CDH12: variants seen among roughly 807,000 people sequenced by gnomAD.
CDH12 encodes cadherin 12.
CDH12 carries 41 observed loss-of-function variants against 74.1 expected under a neutral mutation model. The observed-to-expected ratio is 0.55, with a 90% CI of 0.43 to 0.72. The LOEUF (loss-of-function observed/expected upper bound fraction) is 0.72. Among genes scored for constraint, CDH12 ranks in the 30% least tolerant of loss-of-function variants. The pLI, the probability that CDH12 is intolerant of heterozygous loss-of-function variation, is 0.00. For synonymous variants in CDH12, 399 were observed against 355.0 expected (o/e 1.12, Z -1.39); for missense variants, 945 against 977.2 (o/e 0.97, Z 0.44).
At chr5:21,777,708 C>T (rs188700375) in intron 11 of CDH12, among the ~76,000 whole-genome samples, 1 of 152,210 alleles carries the variant, frequency 6.6e-6, no homozygotes, top group Admixed American at 6.5e-5. Context: ...CCAGGCTGGT[C>T]TTGACCTCCT....
intron 8 of CDH12, among the ~76,000 whole-genome samples, chr5:21,830,907 C>T (rs186725792): frequency 5.9e-5 from 9 of 151,860 alleles, no homozygotes; most frequent in East Asian, 3.9e-4. Context: ...GGCATGATGG[C>T]GGGTGCCTGT....
chr5:22,527,137 A>G (rs1279689201), intron 1 of CDH12, among the ~76,000 whole-genome samples: 5 of 152,122 alleles, frequency 3.3e-5, no homozygotes, highest in African/African-American at 9.7e-5. Flanking sequence ...TGTACCAAGC[A>G]CAGTTCAACT....
chr5:21,782,461 C>T (rs1226571896), intron 11 of CDH12, among the ~76,000 whole-genome samples: 3 of 152,160 alleles, frequency 2.0e-5, no homozygotes, highest in African/African-American at 7.2e-5. Context: ...TTGGACTGAT[C>T]AAAACCCTTC....
intron 2 of CDH12, among the ~76,000 whole-genome samples, chr5:22,496,781 T>A (rs1747119046): frequency 6.6e-6 from 1 of 152,182 alleles, no homozygotes; most frequent in Admixed American, 6.5e-5. Flanking sequence ...AACACCACAC[T>A]TCTTGTCTTC....
intron 5 of CDH12, among the ~76,000 whole-genome samples, chr5:22,057,999 T>TTCTG (rs377362967): frequency 6.7e-6 from 1 of 149,256 alleles, no homozygotes; most frequent in Non-Finnish European, 1.5e-5. Context: ...TTTCCTTGTA[T>TTCTG]TCTATCTATC....
In CDH12 at chr5:22,055,337, A is replaced by G. The variant is rs1010229983; in HGVS notation, c.231+23109T>C. Among the ~76,000 whole-genome samples, 3 of 152,160 alleles carry G rather than the reference A, an allele frequency of 2.0e-5. No homozygotes were observed. In the East Asian group the frequency reaches 5.8e-4, roughly 29 times the overall value. On this transcript the variant is annotated intron_variant, in intron 5 of 14. Transcript: ENST00000382254. ...TGTTTCCTAATGATTTCAAAATAGC[A>G]AGTAAGAGTGACCTGATTTTGTAAA...
At chr5:21,831,729 G>C (rs748313404) in intron 8 of CDH12, among the ~76,000 whole-genome samples, 5 of 151,196 alleles carry the variant, frequency 3.3e-5, no homozygotes, top group Admixed American at 6.6e-5. Flanking sequence ...TGTCAAAAGA[G>C]ACAATTTTCT....
At chr5:22,720,860 C>A (rs140554698) in intron 1 of CDH12, among the ~76,000 whole-genome samples, 1 of 152,018 alleles carries the variant, frequency 6.6e-6, no homozygotes, top group Non-Finnish European at 1.5e-5. Flanking sequence ...TAGACATCTG[C>A]GGAACTTTGA....
intron 6 of CDH12, among the ~76,000 whole-genome samples, chr5:21,961,785 C>T (rs1212484397): frequency 6.6e-6 from 1 of 152,124 alleles, no homozygotes; most frequent in African/African-American, 2.4e-5. Context: ...GACTTCTAGC[C>T]TTCAGGACTT....
chr5:22,381,051 T>C (rs904351361), intron 3 of CDH12, among the ~76,000 whole-genome samples: 2 of 152,026 alleles, frequency 1.3e-5, no homozygotes, highest in Admixed American at 6.6e-5. Context: ...AGAAAACAAA[T>C]TACGACAATG....
Position 22,276,444 on chromosome 5 carries a change from G to A in CDH12, c.-332-63801C>T, listed in dbSNP as rs116371985. Among the ~76,000 whole-genome samples the A allele has an allele frequency of 2.0e-3, 297 of 152,214 alleles. 2 individuals are homozygous for A. Among genetic ancestry groups the A allele is most frequent in the African/African-American group, 6.4e-3 (265 of 41,534 alleles). On this transcript the variant is annotated intron_variant, in intron 3 of 14. Coordinates refer to ENST00000382254, the MANE Select transcript of CDH12 (RefSeq NM_004061.5). Reference sequence around the variant, plus strand: ...TATGTTATGTAATACATGAGTTGCCGTAAATGAATACTGATGTCAAAATCA... The same window carrying A: ...TATGTTATGTAATACATGAGTTGCCATAAATGAATACTGATGTCAAAATCA...
intron 6 of CDH12, among the ~76,000 whole-genome samples, chr5:21,868,402 G>C (rs919110301): frequency 6.6e-6 from 1 of 152,106 alleles, no homozygotes; most frequent in Non-Finnish European, 1.5e-5. Context: ...AAACTGTAGG[G>C]CCATCAGCAT....
At chr5:22,006,256 C>T (rs1039331843) in intron 5 of CDH12, among the ~76,000 whole-genome samples, 4 of 152,032 alleles carry the variant, frequency 2.6e-5, no homozygotes, top group African/African-American at 9.7e-5. Context: ...TGGCCTCAAG[C>T]AGTTCTCCCA....
intron 2 of CDH12, among the ~76,000 whole-genome samples, chr5:22,459,999 C>G (rs1403305028): frequency 6.6e-6 from 1 of 151,902 alleles, no homozygotes; most frequent in Non-Finnish European, 1.5e-5. Context: ...TAAGAAATCA[C>G]TATCTAATTC....
intron 2 of CDH12, among the ~76,000 whole-genome samples, chr5:22,435,281 C>A (rs911239480): frequency 9.9e-5 from 15 of 152,180 alleles, no homozygotes; most frequent in East Asian, 3.9e-4. Flanking sequence ...GAACATCGGA[C>A]TCCAAGTTCT....
chr5:22,308,345 T>A (rs1738218294), intron 3 of CDH12, among the ~76,000 whole-genome samples: 1 of 152,126 alleles, frequency 6.6e-6, no homozygotes, highest in Admixed American at 6.5e-5. Context: ...TCCCTAAGGA[T>A]CATTAATCTG....
intron 1 of CDH12, among the ~76,000 whole-genome samples, chr5:22,751,584 A>T (rs1371490904): frequency 6.6e-6 from 1 of 152,078 alleles, no homozygotes; most frequent in Non-Finnish European, 1.5e-5. Flanking sequence ...AATAGACAAC[A>T]GTAATAATAT....
chr5:22,206,854 G>C (rs991101212), intron 4 of CDH12, among the ~76,000 whole-genome samples: 4 of 151,094 alleles, frequency 2.6e-5, no homozygotes, highest in African/African-American at 9.7e-5. Context: ...GTGAGTGTGA[G>C]GAAATAAAAA....
At chr5:21,874,836 C>T (rs1255408580) in intron 6 of CDH12, among the ~76,000 whole-genome samples, 1 of 152,180 alleles carries the variant, frequency 6.6e-6, no homozygotes, top group East Asian at 1.9e-4. Context: ...GTTCCTGAGC[C>T]AGCTGAGTGC....
Sources: gnomAD v4.1 joint callset for allele counts (sites outside exome capture counted in the v4.1 genomes callset) on GRCh38, gnomAD v4.1.1 for gene constraint, MANE v1.5 for transcripts, NCBI Gene and HGNC (gene_info 2026-07-23, HGNC 2026-07-21) for gene names.